Variants in TMEM163 observed in about 807,000 individuals in gnomAD.
TMEM163 encodes transmembrane protein 163.
In TMEM163, 17 loss-of-function variants were observed where a neutral mutation model predicts 29.3. The ratio of observed to expected loss-of-function variants is 0.58; its 90% CI spans 0.40 to 0.87. The LOEUF (loss-of-function observed/expected upper bound fraction) is 0.87, where lower values mean the gene tolerates loss of function less well. Among genes scored for constraint, TMEM163 ranks in the 40% least tolerant of loss-of-function variants. TMEM163 has a pLI of 0.00. For missense variants in TMEM163, 303 were observed against 381.5 expected (o/e 0.79, Z 1.71); for synonymous variants, 157 against 160.6 (o/e 0.98, Z 0.17).
intron 2 of TMEM163, among the ~76,000 whole-genome samples, chr2:134,690,511 C>T (rs1002612046): frequency 2.6e-5 from 4 of 152,194 alleles, no homozygotes; most frequent in African/African-American, 9.7e-5. Context: ...GTCTTGAACT[C>T]CTGACCTCAA....
chr2:134,612,672 C>T (rs1040528350), intron 2 of TMEM163, among the ~76,000 whole-genome samples: 1 of 151,922 alleles, frequency 6.6e-6, no homozygotes, highest in Non-Finnish European at 1.5e-5. Flanking sequence ...CTGAGCAGAA[C>T]TTCAGAGACC....
chr2:134,495,942 C>G (rs1366844963), intron 5 of TMEM163, among the ~76,000 whole-genome samples: 1 of 152,188 alleles, frequency 6.6e-6, no homozygotes, highest in South Asian at 2.1e-4. Context: ...CTGCCATTGC[C>G]CCCTGGAAGC....
intron 2 of TMEM163, among the ~76,000 whole-genome samples, chr2:134,670,026 T>A (rs1423755030): frequency 1.3e-5 from 2 of 152,064 alleles, no homozygotes; most frequent in African/African-American, 4.8e-5. Context: ...CCCAAACTCC[T>A]GCCCCACCGA....
chr2:134,696,354 C>G (rs1243550870), intron 2 of TMEM163, among the ~76,000 whole-genome samples: 2 of 152,160 alleles, frequency 1.3e-5, no homozygotes, highest in East Asian at 3.9e-4. Context: ...TATATATGCA[C>G]CTTGTTCTTG....
rs1390833419 is a variant in TMEM163, at chr2:134,455,844, G to A, written c.*872C>T. 1 of 152,462 alleles carries A rather than the reference G, an allele frequency of 6.6e-6. No individual in the cohort carries two copies. The highest frequency in any genetic ancestry group is 1.9e-4 in the East Asian group (1 of 5,196). The allele number at this position is 152,462 out of a possible 1,614,324, so 9.4% of individuals were successfully genotyped here. On this transcript the variant is annotated 3_prime_UTR_variant, in exon 8 of 8. Transcript: ENST00000281924. Reference sequence around the variant, plus strand: ...GTGTGAGAGGTACAGAACGGTGCGGGTTGGGGAACACTCTACAGAATCTAA... The same window carrying A: ...GTGTGAGAGGTACAGAACGGTGCGGATTGGGGAACACTCTACAGAATCTAA...
chr2:134,618,763 A>G (rs1001836820), intron 2 of TMEM163, among the ~76,000 whole-genome samples: 1 of 152,210 alleles, frequency 6.6e-6, no homozygotes, highest in Non-Finnish European at 1.5e-5. Context: ...ACATTTCTAA[A>G]TAACTCACAG....
intron 2 of TMEM163, among the ~76,000 whole-genome samples, chr2:134,704,599 T>C (rs952038686): frequency 1.3e-5 from 2 of 152,150 alleles, no homozygotes; most frequent in African/African-American, 4.8e-5. Context: ...ATAAACCTCC[T>C]GGAGGGAAGC....
intron 2 of TMEM163, among the ~76,000 whole-genome samples, chr2:134,609,981 G>C (rs934420812): frequency 3.3e-5 from 5 of 152,316 alleles, no homozygotes; most frequent in Middle Eastern, 6.8e-3. Context: ...GGAGAAAGCA[G>C]AGAGAGAAAA....
At chr2:134,646,524 A>C (rs1683341630) in intron 2 of TMEM163, among the ~76,000 whole-genome samples, 1 of 151,934 alleles carries the variant, frequency 6.6e-6, no homozygotes, top group Non-Finnish European at 1.5e-5. Flanking sequence ...GGCTCACTGC[A>C]ACCTCCACCT....
At chr2:134,569,903 A>C (rs919862374) in intron 2 of TMEM163, among the ~76,000 whole-genome samples, 3 of 152,154 alleles carry the variant, frequency 2.0e-5, no homozygotes, top group African/African-American at 7.2e-5. Flanking sequence ...ACCCCACTCC[A>C]TTATTCCCTA....
intron 6 of TMEM163, chr2:134,459,336 C>T (rs78987107): frequency 0.085 from 12,113 of 142,114 alleles, 816 homozygotes; most frequent in African/African-American, 0.2. Context: ...CTTGGTGGCA[C>T]GCCCTTCTCT....
rs140385721 is a variant in TMEM163, at chr2:134,590,432, C to A, written c.323-38341G>T. Among the ~76,000 whole-genome samples the A allele has an allele frequency of 6.4e-3, 973 of 152,240 alleles. 16 individuals carry two copies. The highest frequency in any genetic ancestry group is 0.023 in the African/African-American group (936 of 41,536). On this transcript the variant is annotated intron_variant, in intron 2 of 7. Transcript: ENST00000281924. ...GGCTGCCCCAGTCATGTTACTGACC[C>A]CATCACTTACTCAAAGTTAACCTTT...
intron 2 of TMEM163, among the ~76,000 whole-genome samples, chr2:134,630,496 C>T (rs1339622499): frequency 6.6e-6 from 1 of 152,104 alleles, no homozygotes; most frequent in Admixed American, 6.6e-5. Flanking sequence ...ACAAGCAGGG[C>T]GAGAGGGAAA....
intron 2 of TMEM163, among the ~76,000 whole-genome samples, chr2:134,610,874 A>G (rs775253710): frequency 1.8e-4 from 28 of 152,160 alleles, no homozygotes; most frequent in Non-Finnish European, 4.0e-4. Context: ...AGCTTGGGCT[A>G]ATTGCTACAG....
At chr2:134,573,372 G>T (rs954718071) in intron 2 of TMEM163, among the ~76,000 whole-genome samples, 2 of 152,208 alleles carry the variant, frequency 1.3e-5, no homozygotes, top group Non-Finnish European at 2.9e-5. Context: ...TATCAGAAAG[G>T]TATAAGCCAG....
intron 4 of TMEM163, among the ~76,000 whole-genome samples, chr2:134,524,911 T>C (rs1207314758): frequency 6.8e-6 from 1 of 146,398 alleles, no homozygotes; most frequent in Non-Finnish European, 1.5e-5. Flanking sequence ...TGTCAAATGG[T>C]ATTTCTGGTT....
At chr2:134,528,146 T>C (rs572312610) in intron 4 of TMEM163, among the ~76,000 whole-genome samples, 1 of 152,294 alleles carries the variant, frequency 6.6e-6, no homozygotes, top group Admixed American at 6.5e-5. Context: ...GATCATTCCA[T>C]GTTGTTATGG....
rs371072129 is a variant in TMEM163 at position 134,686,486 on chromosome 2, T to C, written c.322+26714A>G. ...GACTCGTGAGTTGTGTTTTCTGTAT[T>C]ATAGAGCTGTCAAAAAGCAAGGGAC... On this transcript the variant is annotated intron_variant, in intron 2 of 7. Transcript: ENST00000281924. 7.2e-5 allele frequency among the ~76,000 whole-genome samples: 11 copies of C among 152,194 alleles called. No homozygotes were observed. The South Asian group carries it at 1.5e-3, about 20-fold the overall frequency.
intron 2 of TMEM163, among the ~76,000 whole-genome samples, chr2:134,703,538 A>G (rs914709039): frequency 2.6e-5 from 4 of 152,236 alleles, no homozygotes; most frequent in Non-Finnish European, 5.9e-5. Context: ...CATAGTCATA[A>G]TAATGAAAAC....
Sources: gnomAD v4.1 joint callset for allele counts (sites outside exome capture counted in the v4.1 genomes callset) on GRCh38, gnomAD v4.1.1 for gene constraint, MANE v1.5 for transcripts, NCBI Gene and HGNC (gene_info 2026-07-23, HGNC 2026-07-21) for gene names.